The following RNLS variants were observed in gnomAD, a reference collection of about 807,000 sequenced individuals.
RNLS encodes the protein renalase.
RNLS carries 39 observed loss-of-function variants against 39.8 expected under a neutral mutation model. The observed-to-expected ratio is 0.98, with a 90% confidence interval of 0.76 to 1.28. RNLS has a LOEUF of 1.28. Ranked by LOEUF, RNLS falls within the 50% of genes most tolerant of loss-of-function variation. The pLI, the probability that RNLS is intolerant of heterozygous loss-of-function variation, is 0.00. For synonymous variants in RNLS, 147 were observed against 150.7 expected, an observed-to-expected ratio of 0.98 and a Z score of 0.18; for missense variants, 410 against 413.3, an observed-to-expected ratio of 0.99 and a Z score of 0.07.
At chr10:88,281,138 A>AGGATCATCTGCACCAG (rs1484106831), downstream of RNLS, among the ~76,000 whole-genome samples, 1 of 152,204 alleles carries the variant, frequency 6.6e-6, no homozygotes, top group Non-Finnish European at 1.5e-5. Flanking sequence ...GTCCTGCACC[A>AGGATCATCTGCACCAG]GATCATCTGA....
At chr10:88,534,501 G>T (rs1176661404) in intron 4 of RNLS, among the ~76,000 whole-genome samples, 1 of 152,026 alleles carries the variant, frequency 6.6e-6, no homozygotes, top group Non-Finnish European at 1.5e-5. Context: ...AAAAGCATTG[G>T]CTTGAGAGTC....
chr10:88,184,807 A>G, the RNLS span, among the ~76,000 whole-genome samples: 3 of 152,176 alleles, frequency 2.0e-5, no homozygotes, highest in Non-Finnish European at 4.4e-5. Context: ...TGCTGCAACC[A>G]TAAATCTTCC....
the RNLS span, among the ~76,000 whole-genome samples, chr10:88,224,332 C>T: frequency 1.9e-4 from 29 of 152,262 alleles, no homozygotes; most frequent in South Asian, 6.0e-3. Flanking sequence ...AGCCTCACTT[C>T]TTAATACTAT....
chr10:88,430,203 T>C (rs376849123), intron 4 of RNLS, among the ~76,000 whole-genome samples: 6 of 151,918 alleles, frequency 3.9e-5, no homozygotes, highest in African/African-American at 7.2e-5. Context: ...TTTCCATGTA[T>C]ATATCTCATA....
chr10:88,523,689 T>C (rs117962300), intron 4 of RNLS, among the ~76,000 whole-genome samples: 266 of 152,274 alleles, frequency 1.7e-3, no homozygotes, highest in Non-Finnish European at 3.2e-3. Flanking sequence ...TGGTTGGATA[T>C]TCAGTTTTAA....
chr10:88,443,534 G>A (rs1301760682), intron 4 of RNLS, among the ~76,000 whole-genome samples: 1 of 152,226 alleles, frequency 6.6e-6, no homozygotes, highest in East Asian at 1.9e-4. Context: ...CACCCGGGAA[G>A]TGCAAGGGGT....
At chr10:88,497,313 T>G (rs916620530) in intron 4 of RNLS, among the ~76,000 whole-genome samples, 1 of 151,954 alleles carries the variant, frequency 6.6e-6, no homozygotes, top group South Asian at 2.1e-4. Context: ...AAGTTTAACA[T>G]TAAGACAAAA....
chr10:88,282,878 T>C (rs1469950366), downstream of RNLS, among the ~76,000 whole-genome samples: 1 of 152,206 alleles, frequency 6.6e-6, no homozygotes, highest in Non-Finnish European at 1.5e-5. Context: ...GCAAAGGCTA[T>C]ATTTATCAGC....
the RNLS span, among the ~76,000 whole-genome samples, chr10:88,226,783 TC>T: frequency 1.7e-5 from 2 of 120,820 alleles, no homozygotes; most frequent in Admixed American, 1.0e-4. Flanking sequence ...GGAGGAGGAA[TC>T]TAAAAACTTA....
At chr10:88,468,684 A>G (rs1171489122) in intron 4 of RNLS, among the ~76,000 whole-genome samples, 2 of 152,174 alleles carry the variant, frequency 1.3e-5, no homozygotes, top group Non-Finnish European at 2.9e-5. Flanking sequence ...CTTACCTAGT[A>G]TGCATCTCAT....
chr10:88,183,209 G>A, the RNLS span, among the ~76,000 whole-genome samples: 13 of 152,174 alleles, frequency 8.5e-5, no homozygotes, highest in African/African-American at 3.1e-4. Flanking sequence ...GAATGCCTTG[G>A]ATGTGGAAGA....
intron 4 of RNLS, among the ~76,000 whole-genome samples, chr10:88,473,450 A>G (rs932123495): frequency 5.9e-5 from 9 of 152,094 alleles, no homozygotes; most frequent in Admixed American, 2.6e-4. Flanking sequence ...ACACACAAAT[A>G]TGGCACACAG....
intron 4 of RNLS, among the ~76,000 whole-genome samples, chr10:88,498,275 C>G (rs1228669129): frequency 2.0e-5 from 3 of 151,488 alleles, no homozygotes; most frequent in African/African-American, 7.3e-5. Flanking sequence ...ACATCTGGCT[C>G]AAAAATGCAA....
intron 4 of RNLS, among the ~76,000 whole-genome samples, chr10:88,463,891 T>C (rs1843066645): frequency 6.6e-6 from 1 of 151,936 alleles, no homozygotes; most frequent in African/African-American, 2.4e-5. Flanking sequence ...ATGATGACTT[T>C]GAGGCCTCAA....
chr10:88,192,717 C>T, the RNLS span, among the ~76,000 whole-genome samples: 1 of 152,216 alleles, frequency 6.6e-6, no homozygotes, highest in Non-Finnish European at 1.5e-5. Flanking sequence ...CATCAAAAGT[C>T]TCTTCTGCTG....
the RNLS span, among the ~76,000 whole-genome samples, chr10:88,192,709 T>C: frequency 6.6e-6 from 1 of 152,246 alleles, no homozygotes; most frequent in African/African-American, 2.4e-5. Flanking sequence ...GCAACCTTCA[T>C]CAAAAGTCTC....
chr10:88,279,278 C>T (rs141222955), downstream of RNLS, among the ~76,000 whole-genome samples: 61 of 152,194 alleles, frequency 4.0e-4, no homozygotes, highest in Middle Eastern at 3.4e-3. Flanking sequence ...GATGTAGTGA[C>T]GGCTATCAAA....
chr10:88,264,032 C>T, the RNLS span, among the ~76,000 whole-genome samples: 1 of 152,182 alleles, frequency 6.6e-6, no homozygotes, highest in Non-Finnish European at 1.5e-5. Flanking sequence ...TTTGCATCCT[C>T]ATAGCTTAGT....
chr10:88,388,737 AT>A (rs1852014210), intron 4 of RNLS, among the ~76,000 whole-genome samples: 1 of 152,008 alleles, frequency 6.6e-6, no homozygotes, highest in African/African-American at 2.4e-5. Flanking sequence ...TTTTTATTTG[AT>A]TCCTTGTTTA....
Sources: gnomAD v4.1 joint callset for allele counts (sites outside exome capture counted in the v4.1 genomes callset) on GRCh38, gnomAD v4.1.1 for gene constraint, MANE v1.5 for transcripts, NCBI Gene and HGNC (gene_info 2026-07-23, HGNC 2026-07-21) for gene names.